TTC9C: variants seen among roughly 807,000 people sequenced by gnomAD.
TTC9C encodes tetratricopeptide repeat domain 9C.
In TTC9C, 15 loss-of-function variants were observed where a neutral mutation model predicts 22.5. The observed-to-expected ratio is 0.67, with a 90% CI of 0.45 to 1.03. The LOEUF is 1.03. Ranked by LOEUF, TTC9C falls within the 50% of genes least tolerant of loss-of-function variation. The pLI, the probability that TTC9C is intolerant of heterozygous loss-of-function variation, is 0.00. For synonymous variants in TTC9C, 92 were observed against 86.8 expected (o/e 1.06, Z -0.33); for missense variants, 244 against 214.6 (o/e 1.14, Z -0.86).
intron 2 of TTC9C, among the ~76,000 whole-genome samples, chr11:62,737,093 G>A (rs1364402067): frequency 2.0e-5 from 3 of 152,036 alleles, no homozygotes; most frequent in Admixed American, 2.0e-4. Context: ...CAGCTACTCG[G>A]GAGGCTGAGG....
At chr11:62,736,494 A>C (rs2134822033) in intron 2 of TTC9C, among the ~76,000 whole-genome samples, 1 of 152,112 alleles carries the variant, frequency 6.6e-6, no homozygotes, top group East Asian at 1.9e-4. Flanking sequence ...GGAGATCGAG[A>C]CCATCCTGGC....
intron 2 of TTC9C, chr11:62,735,810 C>T (rs924248045): frequency 9.5e-6 from 4 of 421,472 alleles, no homozygotes; most frequent in East Asian, 9.8e-5. Flanking sequence ...ATCAGACATA[C>T]ACAATATATA....
At chr11:62,732,977 T>C (rs946568715) in intron 1 of TTC9C, 6 of 254,070 alleles carry the variant, frequency 2.4e-5, no homozygotes, top group African/African-American at 1.4e-4. Context: ...CTCCACTTTT[T>C]TTTTTTTTTT....
chr11:62,737,590 T>C (rs755538267), intron 2 of TTC9C, among the ~76,000 whole-genome samples: 1 of 152,190 alleles, frequency 6.6e-6, no homozygotes, highest in Non-Finnish European at 1.5e-5. Context: ...GAGAAAGCCA[T>C]TATGAATTAA....
At chr11:62,737,355 G>A (rs116676736) in intron 2 of TTC9C, among the ~76,000 whole-genome samples, 5,615 of 152,234 alleles carry the variant, frequency 0.037, 346 homozygotes, top group African/African-American at 0.13. Context: ...CTAACCCCAG[G>A]TATGACCTAG....
intron 1 of TTC9C, among the ~76,000 whole-genome samples, chr11:62,729,809 C>T (rs1304029776): frequency 1.3e-5 from 2 of 152,100 alleles, no homozygotes; most frequent in Non-Finnish European, 2.9e-5. Context: ...CTACTGACCT[C>T]AGGTAATCCA....
At chr11:62,736,688 C>T (rs1427611977) in intron 2 of TTC9C, among the ~76,000 whole-genome samples, 4 of 144,594 alleles carry the variant, frequency 2.8e-5, no homozygotes, top group Non-Finnish European at 6.2e-5. Flanking sequence ...AGGGCGGCTC[C>T]GTCTCGGAAA....
rs2083892717 is a variant in TTC9C, at chr11:62,734,897, AT to A, written c.239-479del. 2.0e-5 allele frequency among the ~76,000 whole-genome samples: 3 copies of A among 152,286 alleles called. No homozygotes were observed. In the South Asian group the frequency reaches 6.2e-4, roughly 32 times the overall value. On this transcript the variant is annotated intron_variant, in intron 1 of 2. Transcript: ENST00000316461. ...TTGAAGTAGATTACAAGATATATGA[AT>A]TTTTTGTTTTGTTTTGAGACAAAGT...
Position 62,729,008 on chromosome 11 carries a change from C to A in TTC9C, c.160C>A (p.Pro54Thr), listed in dbSNP as rs1245041245. Residue 54 changes from proline (P) to threonine (T), a missense_variant, in exon 1 of 3, where the codon CCT becomes ACT. Pro to Thr is a conservative substitution (Grantham distance 38). Coordinates refer to ENST00000316461, the MANE Select transcript of TTC9C (RefSeq NM_173810.4). ...GCCCTCTCCGTTACCTAATCTCGGA[C>A]CTCAGGGCCCGGCCCTCACGCCTGA... The part of the protein sequence containing the change: ...SLPSPLPNLG[P>T]QGPALTPEQE... The A allele has an allele frequency of 6.2e-7, 1 of 1,614,022 alleles. No individual in the cohort carries two copies. Among genetic ancestry groups the A allele is most frequent in the East Asian group, 2.2e-5 (1 of 44,900 alleles).
At chr11:62,737,334 C>A (rs1431599364) in intron 2 of TTC9C, among the ~76,000 whole-genome samples, 1 of 152,166 alleles carries the variant, frequency 6.6e-6, no homozygotes, top group Non-Finnish European at 1.5e-5. Flanking sequence ...CATTTTTATC[C>A]TTTAGCTCAG....
intron 2 of TTC9C, chr11:62,735,785 G>T: frequency 1.5e-6 from 1 of 668,194 alleles, no homozygotes; most frequent in Non-Finnish European, 2.2e-6. Flanking sequence ...TTCATGTGTA[G>T]GGGGTTGATG....
rs781053686 is a variant in TTC9C, at chr11:62,729,110, C to T, written c.238+24C>T. On this transcript the variant is annotated intron_variant, in intron 1 of 2. Coordinates refer to ENST00000316461, the MANE Select transcript of TTC9C (RefSeq NM_173810.4). ...TGGTAAGAACGGGGCTAAAGGGTGG[C>T]TAGAGAGCATTAAGACAGGAACATG... 4 of 1,598,808 alleles carry T rather than the reference C, an allele frequency of 2.5e-6. No homozygotes were observed. The South Asian group carries it at 3.3e-5, about 13-fold the overall frequency.
chr11:62,728,844 C>T lies in TTC9C; in HGVS notation c.-5C>T. The T allele has an allele frequency of 6.2e-7, 1 of 1,613,930 alleles. No homozygotes were observed. The highest frequency in any genetic ancestry group is 1.3e-5 in the African/African-American group (1 of 75,014). On this transcript the variant is annotated 5_prime_UTR_variant, in exon 1 of 3. Coordinates refer to ENST00000316461, the MANE Select transcript of TTC9C (RefSeq NM_173810.4). ...CCAGTTCCGCAAGAACCGTGGGCGA[C>T]AGTTATGGAGAAGCGTCTGCAGGAG... is the stretch of plus-strand genomic sequence containing the variant.
rs927120406 is a variant in TTC9C at position 62,737,399 on chromosome 11, A to G, written c.422-889A>G. On this transcript the variant is annotated intron_variant, in intron 2 of 2. Coordinates refer to ENST00000316461, the MANE Select transcript of TTC9C (RefSeq NM_173810.4). ...CAGTCCTGCTGAGAGAGAATTTGGGACTTACTTTGTTTCCAAGGCAAAAAG... is the reference window on the plus strand; with the variant it reads ...CAGTCCTGCTGAGAGAGAATTTGGGGCTTACTTTGTTTCCAAGGCAAAAAG... Among the ~76,000 whole-genome samples, 14 of 152,242 alleles carry G rather than the reference A, an allele frequency of 9.2e-5. No individual in the cohort carries two copies. In the East Asian group the frequency reaches 2.7e-3, roughly 29 times the overall value.
At chr11:62,731,428 C>G (rs2083847786) in intron 1 of TTC9C, among the ~76,000 whole-genome samples, 1 of 152,000 alleles carries the variant, frequency 6.6e-6, no homozygotes, top group Admixed American at 6.6e-5. Context: ...GCAACCCGGT[C>G]TCTACAAAAA....
intron 1 of TTC9C, among the ~76,000 whole-genome samples, chr11:62,730,123 T>C (rs780648140): frequency 2.6e-5 from 4 of 152,228 alleles, no homozygotes; most frequent in Non-Finnish European, 5.9e-5. Flanking sequence ...TTGCCCAAGC[T>C]GGGGTGCAAT....
chr11:62,728,154 A>G, upstream of TTC9C: 1 of 199,414 alleles, frequency 5.0e-6, no homozygotes, highest in Non-Finnish European at 1.1e-5. Context: ...CCCTCAAGAT[A>G]CCAAACTGTA....
chr11:62,734,593 A>T (rs967129972), intron 1 of TTC9C, among the ~76,000 whole-genome samples: 2 of 152,198 alleles, frequency 1.3e-5, no homozygotes, highest in Non-Finnish European at 2.9e-5. Flanking sequence ...AAAATAATAA[A>T]AAAAGAATAC....
intron 1 of TTC9C, among the ~76,000 whole-genome samples, chr11:62,733,975 G>A (rs1389394151): frequency 6.6e-6 from 1 of 151,844 alleles, no homozygotes; most frequent in Non-Finnish European, 1.5e-5. Flanking sequence ...CTGCACGACA[G>A]AGCGAGACCT....
Sources: allele counts gnomAD v4.1 joint callset (sites outside exome capture counted in the v4.1 genomes callset), GRCh38; gene constraint gnomAD v4.1.1; transcripts MANE v1.5; gene names NCBI Gene and HGNC (gene_info 2026-07-23, HGNC 2026-07-21).